The following CDK6 variants were observed in gnomAD, a reference collection of about 807,000 sequenced individuals.
CDK6 encodes cyclin dependent kinase 6, also known as cyclin-dependent kinase 6.
In CDK6, 6 loss-of-function variants were observed where a neutral mutation model predicts 37.1. That is an observed-to-expected ratio of 0.16 (90% CI 0.09 to 0.32). The LOEUF (loss-of-function observed/expected upper bound fraction) is 0.32. Among genes scored for constraint, CDK6 ranks in the 10% least tolerant of loss-of-function variants. CDK6 has a pLI of 1.00. For missense variants in CDK6, 224 were observed against 418.9 expected (o/e 0.53, Z 4.06); for synonymous variants, 160 against 161.3 (o/e 0.99, Z 0.06).
At chr7:92,672,057 G>A (rs1364362000) in intron 4 of CDK6, among the ~76,000 whole-genome samples, 1 of 148,494 alleles carries the variant, frequency 6.7e-6, no homozygotes, top group Non-Finnish European at 1.5e-5. Flanking sequence ...TGGGTGATGG[G>A]GGCACTAAAA....
rs553386891 is a variant in CDK6 at position 92,810,112 on chromosome 7, T to C, written c.233+22979A>G. On this transcript the variant is annotated intron_variant, in intron 2 of 7. Transcript: ENST00000424848. The stretch of plus-strand genomic sequence containing the variant: ...TCTAGATATGGCTATGAAAATAGAT[T>C]GTTTGAAAATATATATGCGTGTGTA... Among the ~76,000 whole-genome samples the C allele has an allele frequency of 1.1e-4, 17 of 152,304 alleles. No individual in the cohort carries two copies. In the South Asian group the frequency reaches 2.3e-3, roughly 20 times the overall value.
intron 2 of CDK6, among the ~76,000 whole-genome samples, chr7:92,780,792 A>G (rs28534865): frequency 2.7e-5 from 4 of 150,694 alleles, no homozygotes; most frequent in African/African-American, 9.8e-5. Context: ...AAAAAACAAA[A>G]AACAACAACA....
In CDK6 at chr7:92,763,743, T is replaced by C. The variant is rs772577363; in HGVS notation, c.369+10953A>G. Among the ~76,000 whole-genome samples, 119 of 152,346 alleles carry C rather than the reference T, an allele frequency of 7.8e-4. 1 individual carries two copies. The highest frequency in any genetic ancestry group is 1.4e-3 in the Non-Finnish European group (92 of 68,026). On this transcript the variant is annotated intron_variant, in intron 3 of 7. Transcript: ENST00000424848. ...TGCACAGGCAAGCAAATATTCCAGATGTCTGAGTCATCTCAGAATGTAAGG... is the reference window on the plus strand; with the variant it reads ...TGCACAGGCAAGCAAATATTCCAGACGTCTGAGTCATCTCAGAATGTAAGG...
intron 5 of CDK6, among the ~76,000 whole-genome samples, chr7:92,649,995 TA>T (rs1250141810): frequency 2.0e-5 from 3 of 152,172 alleles, no homozygotes; most frequent in African/African-American, 7.2e-5. Flanking sequence ...AGAAGTAAAA[TA>T]CAAATAGGAC....
intron 4 of CDK6, among the ~76,000 whole-genome samples, chr7:92,697,888 A>G (rs1797756750): frequency 6.6e-6 from 1 of 152,246 alleles, no homozygotes; most frequent in African/African-American, 2.4e-5. Context: ...GGAATCTAAA[A>G]GTAGCAGATG....
intron 3 of CDK6, among the ~76,000 whole-genome samples, chr7:92,747,436 A>G (rs1391591858): frequency 6.6e-6 from 1 of 152,156 alleles, no homozygotes; most frequent in African/African-American, 2.4e-5. Flanking sequence ...AGTTTGAAAC[A>G]CAGTGCCTCC....
intron 2 of CDK6, among the ~76,000 whole-genome samples, chr7:92,795,299 G>A (rs1427477150): frequency 6.6e-6 from 1 of 152,044 alleles, no homozygotes; most frequent in Admixed American, 6.6e-5. Flanking sequence ...TAAATCCAAG[G>A]AATGTTTGGC....
At chr7:92,622,967 G>T in intron 6 of CDK6, 69 bp downstream of exon 6, 1 of 934,380 alleles carries the variant, frequency 1.1e-6, no homozygotes, top group Non-Finnish European at 1.7e-6. Context: ...TGATATGCAT[G>T]TCAGAGGAAA....
chr7:92,805,975 T>A (rs999485942), intron 2 of CDK6, among the ~76,000 whole-genome samples: 3 of 152,164 alleles, frequency 2.0e-5, no homozygotes, highest in African/African-American at 7.2e-5. Context: ...CAGTTTGGGA[T>A]GATGAAAAAG....
At chr7:92,704,240 TTATA>T (rs1409429504) in intron 4 of CDK6, among the ~76,000 whole-genome samples, 1 of 152,166 alleles carries the variant, frequency 6.6e-6, no homozygotes, top group Non-Finnish European at 1.5e-5. Context: ...AGGGGAGATT[TTATA>T]TATATCATTA....
At chr7:92,673,126 C>T (rs973845505) in intron 4 of CDK6, among the ~76,000 whole-genome samples, 1 of 152,186 alleles carries the variant, frequency 6.6e-6, no homozygotes, top group Admixed American at 6.5e-5. Context: ...CCCTGGTTGA[C>T]AGCCCCAGTT....
intron 4 of CDK6, among the ~76,000 whole-genome samples, chr7:92,679,748 T>A (rs1470220604): frequency 6.6e-6 from 1 of 151,688 alleles, no homozygotes; most frequent in South Asian, 2.1e-4. Context: ...CGAGACAGAG[T>A]GTCACTCTAT....
At chr7:92,719,408 G>A (rs1282068697) in intron 4 of CDK6, among the ~76,000 whole-genome samples, 2 of 152,128 alleles carry the variant, frequency 1.3e-5, no homozygotes, top group Non-Finnish European at 2.9e-5. Context: ...ACTTTGTACA[G>A]CTGTCGAATA....
chr7:92,802,068 T>A (rs960804248), intron 2 of CDK6, among the ~76,000 whole-genome samples: 11 of 145,278 alleles, frequency 7.6e-5, no homozygotes, highest in Admixed American at 2.1e-4. Context: ...CAAGCGCAAT[T>A]TTGCTACACT....
chr7:92,824,749 A>G (rs1562976583), intron 2 of CDK6, among the ~76,000 whole-genome samples: 1 of 152,082 alleles, frequency 6.6e-6, no homozygotes. Context: ...GCAGGAATTC[A>G]TTTTGTTAAT....
Position 92,835,344 on chromosome 7 carries a change from C to T in CDK6, c.-368+1134G>A, listed in dbSNP as rs1031006303. On this transcript the variant is annotated intron_variant, in intron 1 of 7. Coordinates refer to ENST00000424848, the MANE Select transcript of CDK6 (RefSeq NM_001145306.2). The surrounding 1 kb of genome is among the most constrained non-coding windows in gnomAD (Gnocchi z 4.2). ...GGAAGCGTCGGGGACGTCCCACCCC[C>T]GCAGGGAACTGCGCCTGCTGCCCCC... 6.8e-6 allele frequency: 1 copy of T among 146,966 alleles called. No homozygotes were observed. Among genetic ancestry groups the T allele is most frequent in the Non-Finnish European group, 1.5e-5 (1 of 66,686 alleles). 9.1% of individuals were successfully genotyped at this position (146,966 alleles called of 1,614,324 possible).
intron 7 of CDK6, 29 bp from the exon 8 acceptor site, chr7:92,615,315 A>G (rs1378517564): frequency 6.5e-7 from 1 of 1,541,626 alleles, no homozygotes; most frequent in Non-Finnish European, 9.0e-7. Flanking sequence ...TAATTGGTTG[A>G]TATACAATAC....
At chr7:92,784,523 AAC>A (rs1206772828) in intron 2 of CDK6, among the ~76,000 whole-genome samples, 1 of 152,144 alleles carries the variant, frequency 6.6e-6, no homozygotes, top group East Asian at 1.9e-4. Flanking sequence ...GTCTTTCCTT[AAC>A]AGTTACCTTC....
rs111440463 is a variant in CDK6, at chr7:92,683,709, T to TGGG, written c.538-12177_538-12175dup. 2.9e-3 allele frequency among the ~76,000 whole-genome samples: 424 copies of TGGG among 144,850 alleles called. 1 individual carries two copies. Among genetic ancestry groups the TGGG allele is most frequent in the East Asian group, 7.3e-3 (36 of 4,942 alleles). The stretch of plus-strand genomic sequence containing the variant: ...ATTTATAGTCTACAGAGGACTGTGG[T>TGGG]GGGGGGGGGGTCCCCACTATATTTT... On this transcript the variant is annotated intron_variant, in intron 4 of 7. Transcript: ENST00000424848.
Sources: gnomAD v4.1 joint callset for allele counts (sites outside exome capture counted in the v4.1 genomes callset) on GRCh38, gnomAD v4.1.1 for gene constraint, Gnocchi (gnomAD v3.1) non-coding constraint, MANE v1.5 for transcripts, NCBI Gene and HGNC (gene_info 2026-07-23, HGNC 2026-07-21) for gene names.